PLCL1: variants seen among roughly 807,000 people sequenced by gnomAD.
The protein encoded by PLCL1 is phospholipase C like 1 (inactive).
PLCL1 carries 41 observed loss-of-function variants against 84.4 expected under a neutral mutation model. The observed-to-expected ratio is 0.49, with a 90% CI of 0.38 to 0.63. The LOEUF (loss-of-function observed/expected upper bound fraction) is 0.63. Among genes scored for constraint, PLCL1 ranks in the 30% least tolerant of loss-of-function variants. The pLI, the probability that PLCL1 is intolerant of heterozygous loss-of-function variation, is 0.00. For synonymous variants in PLCL1, 490 were observed against 488.3 expected (o/e 1.00, Z -0.05); for missense variants, 1,206 against 1,367.8 (o/e 0.88, Z 1.87).
chr2:198,046,958 A>T (rs1018625602), intron 1 of PLCL1, among the ~76,000 whole-genome samples: 2 of 152,212 alleles, frequency 1.3e-5, no homozygotes, highest in Admixed American at 6.5e-5. Context: ...TCAAAATTGC[A>T]ATGTTAGCAT....
intron 1 of PLCL1, among the ~76,000 whole-genome samples, chr2:197,812,721 C>G (rs1690612156): frequency 6.6e-6 from 1 of 152,144 alleles, no homozygotes; most frequent in Admixed American, 6.5e-5. Flanking sequence ...GATTGTGATG[C>G]TACTGAGTAT....
intron 4 of PLCL1, 98 bp downstream of exon 4, chr2:198,101,458 C>A: frequency 1.5e-6 from 1 of 666,586 alleles, no homozygotes; most frequent in Non-Finnish European, 2.6e-6. Context: ...CTTTCTGCTT[C>A]TCTTAAAATG....
chr2:197,845,840 C>T (rs1040841889), intron 1 of PLCL1, among the ~76,000 whole-genome samples: 1 of 152,054 alleles, frequency 6.6e-6, no homozygotes, highest in African/African-American at 2.4e-5. Flanking sequence ...ATCCTGGGGA[C>T]ATTCTAACAT....
At chr2:197,906,309 A>G (rs1197913491) in intron 1 of PLCL1, among the ~76,000 whole-genome samples, 1 of 151,820 alleles carries the variant, frequency 6.6e-6, no homozygotes, top group African/African-American at 2.4e-5. Context: ...CATTTATCAA[A>G]TAGGGAATCC....
intron 1 of PLCL1, among the ~76,000 whole-genome samples, chr2:198,069,684 A>G (rs1559092660): frequency 6.6e-6 from 1 of 152,168 alleles, no homozygotes; most frequent in Non-Finnish European, 1.5e-5. Context: ...GAAAAAATAT[A>G]TTGACAACTA....
chr2:197,943,299 T>A (rs1466196648), intron 1 of PLCL1, among the ~76,000 whole-genome samples: 2 of 152,084 alleles, frequency 1.3e-5, no homozygotes, highest in South Asian at 2.1e-4. Context: ...TATTTAAATT[T>A]TAAAAATTAT....
chr2:197,943,627 C>CTTTTTTTTTTTT (rs5837573), intron 1 of PLCL1, among the ~76,000 whole-genome samples: 181 of 119,122 alleles, frequency 1.5e-3, no homozygotes, highest in Non-Finnish European at 1.7e-3. Flanking sequence ...TTGGTTACAT[C>CTTTTTTTTTTTT]TTTTTTTTTT....
intron 1 of PLCL1, among the ~76,000 whole-genome samples, chr2:197,898,083 G>C (rs1688189821): frequency 6.6e-6 from 1 of 152,200 alleles, no homozygotes; most frequent in South Asian, 2.1e-4. Context: ...GTTTGAGAAG[G>C]TACAGCTGAG....
chr2:197,986,597 C>T (rs2105809142), intron 1 of PLCL1, among the ~76,000 whole-genome samples: 1 of 152,284 alleles, frequency 6.6e-6, no homozygotes, highest in South Asian at 2.1e-4. Context: ...AATCCTCCCG[C>T]CTCAGCCTAC....
intron 5 of PLCL1, among the ~76,000 whole-genome samples, chr2:198,115,538 G>T (rs974037859): frequency 1.3e-5 from 2 of 151,800 alleles, no homozygotes; most frequent in Non-Finnish European, 2.9e-5. Context: ...GTTGAGCATT[G>T]TCAACATATG....
chr2:197,896,639 C>T (rs5000980), intron 1 of PLCL1, among the ~76,000 whole-genome samples: 1,861 of 152,050 alleles, frequency 0.012, 49 homozygotes, highest in African/African-American at 0.042. Flanking sequence ...AATTGCAGAT[C>T]GACGTGGTTT....
At chr2:197,810,266 G>A (rs1388388843) in intron 1 of PLCL1, 1 of 1,259,526 alleles carries the variant, frequency 7.9e-7, no homozygotes, top group Non-Finnish European at 1.0e-6. Context: ...TTATTGCAGG[G>A]TCTTTCTGAT....
In PLCL1 at chr2:198,075,052, T is replaced by C. The variant is rs145628506; in HGVS notation, c.241-8706T>C. Among the ~76,000 whole-genome samples, 840 of 152,316 alleles carry C rather than the reference T, an allele frequency of 5.5e-3. 4 individuals carry two copies. The highest frequency in any genetic ancestry group is 9.4e-3 in the Non-Finnish European group (642 of 68,024). On this transcript the variant is annotated intron_variant, in intron 1 of 5. Transcript: ENST00000428675. ...GTATACATTTAGCTAGACTTCATCA[T>C]TGACTTTCCTTTTAAAGGGACATGA... is the stretch of plus-strand genomic sequence containing the variant.
At chr2:198,142,109 A>C (rs1325328187) in intron 5 of PLCL1, among the ~76,000 whole-genome samples, 1 of 152,184 alleles carries the variant, frequency 6.6e-6, no homozygotes, top group Non-Finnish European at 1.5e-5. Flanking sequence ...TAATTCTGCC[A>C]GACTGTAGTC....
intron 1 of PLCL1, among the ~76,000 whole-genome samples, chr2:198,029,035 T>C (rs1574258087): frequency 6.6e-6 from 1 of 152,232 alleles, no homozygotes; most frequent in Non-Finnish European, 1.5e-5. Context: ...ACTTGGTATA[T>C]TCACAGCATA....
At chr2:197,898,194 G>C (rs1688192536) in intron 1 of PLCL1, among the ~76,000 whole-genome samples, 1 of 152,174 alleles carries the variant, frequency 6.6e-6, no homozygotes, top group African/African-American at 2.4e-5. Flanking sequence ...ACCAAGTGTA[G>C]TTAGTTCAAA....
chr2:197,882,735 T>A (rs1687853055), intron 1 of PLCL1, among the ~76,000 whole-genome samples: 1 of 152,182 alleles, frequency 6.6e-6, no homozygotes, highest in African/African-American at 2.4e-5. Flanking sequence ...TTGGTAAGAC[T>A]GTTAAAAGCA....
intron 1 of PLCL1, among the ~76,000 whole-genome samples, chr2:197,970,743 C>CT (rs1216648868): frequency 6.6e-6 from 1 of 152,054 alleles, no homozygotes; most frequent in Middle Eastern, 3.2e-3. Context: ...TCCGTTTTAC[C>CT]TTTTTTTCCC....
chr2:197,999,621 A>G (rs1690551915), intron 1 of PLCL1, among the ~76,000 whole-genome samples: 1 of 152,204 alleles, frequency 6.6e-6, no homozygotes, highest in African/African-American at 2.4e-5. Context: ...ACAGAATTCT[A>G]TAGATTAGAT....
Sources: allele counts gnomAD v4.1 joint callset (sites outside exome capture counted in the v4.1 genomes callset), GRCh38; gene constraint gnomAD v4.1.1; transcripts MANE v1.5; gene names NCBI Gene and HGNC (gene_info 2026-07-23, HGNC 2026-07-21).